UGT1A7: variants seen among roughly 807,000 people sequenced by gnomAD.
UGT1A7 encodes UDP glucuronosyltransferase family 1 member A7, also known as UDP-glucuronosyltransferase 1A7.
A neutral mutation model predicts 45.6 loss-of-function variants in UGT1A7; 33 were observed. That is an observed-to-expected ratio of 0.72 (90% CI 0.55 to 0.97). UGT1A7 has a LOEUF of 0.97. Ranked by LOEUF, UGT1A7 falls within the 50% of genes least tolerant of loss-of-function variation. The pLI is 0.00. For missense variants in UGT1A7, 684 were observed against 666.2 expected, an observed-to-expected ratio of 1.03 and a Z score of -0.29; for synonymous variants, 274 against 250.6, an observed-to-expected ratio of 1.09 and a Z score of -0.88.
chr2:233,729,432 AAC>A (rs1456497728), intron 1 of UGT1A7: 1 of 1,613,916 alleles, frequency 6.2e-7, no homozygotes, highest in East Asian at 2.2e-5. Flanking sequence ...TGTACTTTGA[AAC>A]AGAACATTTT....
In UGT1A7 at chr2:233,750,001, G is replaced by A. The variant is rs1213744454; in HGVS notation, c.856-17033G>A. On this transcript the variant is annotated intron_variant, in intron 1 of 4. Coordinates refer to ENST00000373426, the MANE Select transcript of UGT1A7 (RefSeq NM_019077.3). ...TGAGAATGGACTAATATATTAAATTGGTGCCATGGAGAGTGGAGTACTGCT... is the reference window on the plus strand; with the variant it reads ...TGAGAATGGACTAATATATTAAATTAGTGCCATGGAGAGTGGAGTACTGCT... Among the ~76,000 whole-genome samples the A allele has an allele frequency of 7.9e-5, 12 of 151,794 alleles. 1 individual carries two copies. Among genetic ancestry groups the A allele is most frequent in the African/African-American group, 2.7e-4 (11 of 41,062 alleles).
At chr2:233,757,617 A>C (rs1696679661) in intron 1 of UGT1A7, among the ~76,000 whole-genome samples, 1 of 148,812 alleles carries the variant, frequency 6.7e-6, no homozygotes, top group South Asian at 2.2e-4. Flanking sequence ...AACTGCTAAA[A>C]GATACAAGGC....
intron 1 of UGT1A7, among the ~76,000 whole-genome samples, chr2:233,715,509 C>T (rs991063274): frequency 6.6e-6 from 1 of 152,138 alleles, no homozygotes; most frequent in Non-Finnish European, 1.5e-5. Flanking sequence ...GGGTAGCTCA[C>T]ACCTGTAATT....
At chr2:233,687,010 C>T (rs1314780668) in intron 1 of UGT1A7, among the ~76,000 whole-genome samples, 2 of 152,192 alleles carry the variant, frequency 1.3e-5, no homozygotes. Flanking sequence ...CACTAGAGGA[C>T]TTTAGGAGGT....
At chr2:233,719,670 G>A (rs758623915) in intron 1 of UGT1A7, 19 of 1,613,900 alleles carry the variant, frequency 1.2e-5, no homozygotes, top group East Asian at 6.7e-5. Flanking sequence ...CTGTGCCAAC[G>A]GGAAGCCACT....
chr2:233,712,871 C>T (rs1381753023), intron 1 of UGT1A7: 1 of 1,585,042 alleles, frequency 6.3e-7, no homozygotes, highest in African/African-American at 1.3e-5. Context: ...GGAGGGCACT[C>T]TGTCTTCAAT....
intron 1 of UGT1A7, among the ~76,000 whole-genome samples, chr2:233,726,736 G>A (rs531749888): frequency 1.4e-4 from 22 of 152,274 alleles, no homozygotes; most frequent in African/African-American, 3.9e-4. Context: ...ATACTTTTGT[G>A]GGGCTGTGAT....
intron 1 of UGT1A7, chr2:233,754,389 C>A: frequency 3.3e-6 from 1 of 302,106 alleles, no homozygotes; most frequent in Non-Finnish European, 6.5e-6. Context: ...AAACAGAGGT[C>A]CTATCCGTGC....
chr2:233,745,215 C>A (rs1693043227), intron 1 of UGT1A7, among the ~76,000 whole-genome samples: 1 of 151,738 alleles, frequency 6.6e-6, no homozygotes, highest in African/African-American at 2.4e-5. Context: ...TCCTCTCAGA[C>A]AAAAGGAAAT....
intron 1 of UGT1A7, among the ~76,000 whole-genome samples, chr2:233,741,187 CT>C (rs1691585629): frequency 6.6e-6 from 1 of 151,902 alleles, no homozygotes; most frequent in Non-Finnish European, 1.5e-5. Context: ...CTTGTGTTTG[CT>C]TTCAACTGTT....
chr2:233,702,615 A>T (rs1053015833), intron 1 of UGT1A7, among the ~76,000 whole-genome samples: 1 of 152,126 alleles, frequency 6.6e-6, no homozygotes, highest in Admixed American at 6.6e-5. Flanking sequence ...TGCCCCCCAC[A>T]TTATGAGATT....
intron 1 of UGT1A7, chr2:233,690,553 C>A (rs2074996047): frequency 7.8e-7 from 1 of 1,289,576 alleles, no homozygotes. Flanking sequence ...GAATATGTCC[C>A]AAGCCTGAGT....
At chr2:233,722,110 C>T (rs2125686001) in intron 1 of UGT1A7, 2 of 193,306 alleles carry the variant, frequency 1.0e-5, no homozygotes, top group South Asian at 2.1e-4. Flanking sequence ...AGAGGAAGAG[C>T]TATCATCATC....
At chr2:233,735,857 T>C (rs1229821549) in intron 1 of UGT1A7, among the ~76,000 whole-genome samples, 2 of 151,884 alleles carry the variant, frequency 1.3e-5, no homozygotes, top group African/African-American at 4.8e-5. Flanking sequence ...TTCTGTCTTG[T>C]AGGGTTTCTG....
chr2:233,754,621 C>T (rs773983465), intron 1 of UGT1A7: 4 of 441,750 alleles, frequency 9.1e-6, no homozygotes, highest in South Asian at 6.4e-5. Flanking sequence ...TCTTCCTCCA[C>T]TTCCACCCTT....
In UGT1A7 at chr2:233,692,887, G is replaced by A. The variant is rs564129992; in HGVS notation, c.855+10095G>A. 4.6e-6 allele frequency: 7 copies of A among 1,518,050 alleles called. No individual in the cohort carries two copies. The South Asian group carries it at 5.5e-5, about 12-fold the overall frequency. 94.0% of individuals were successfully genotyped at this position (1,518,050 alleles called of 1,614,324 possible). ...TATCAAAGGGTAAAATTCAGAGCAAGGGAGAGGTAGACAGGACCTGTGAAA... is the reference window on the plus strand; with the variant it reads ...TATCAAAGGGTAAAATTCAGAGCAAAGGAGAGGTAGACAGGACCTGTGAAA... On this transcript the variant is annotated intron_variant, in intron 1 of 4. Coordinates refer to ENST00000373426, the MANE Select transcript of UGT1A7 (RefSeq NM_019077.3).
intron 1 of UGT1A7, chr2:233,747,088 C>A: frequency 2.5e-6 from 3 of 1,192,376 alleles, no homozygotes; most frequent in East Asian, 2.7e-5. Flanking sequence ...AGGAGGAGAG[C>A]ACTCTATCTT....
intron 1 of UGT1A7, among the ~76,000 whole-genome samples, chr2:233,759,845 G>C (rs1454775636): frequency 6.6e-6 from 1 of 152,146 alleles, no homozygotes; most frequent in Non-Finnish European, 1.5e-5. Context: ...CACTCTTACA[G>C]GTTTCCATGG....
chr2:233,760,558 T>G, intron 1 of UGT1A7: 1 of 1,614,006 alleles, frequency 6.2e-7, no homozygotes, highest in Non-Finnish European at 8.5e-7. Context: ...TGTGAAAGAG[T>G]CTTTTGTTAG....
Sources: gnomAD v4.1 joint callset for allele counts (sites outside exome capture counted in the v4.1 genomes callset) on GRCh38, gnomAD v4.1.1 for gene constraint, MANE v1.5 for transcripts, NCBI Gene and HGNC (gene_info 2026-07-23, HGNC 2026-07-21) for gene names.